The following NREP variants were observed in gnomAD, a reference collection of about 807,000 sequenced individuals.
NREP encodes the protein neuronal regeneration related protein, also known as neuronal regeneration-related protein.
NREP carries 5 observed loss-of-function variants against 8.6 expected under a neutral mutation model. The observed-to-expected ratio is 0.58, with a 90% confidence interval of 0.30 to 1.22. The LOEUF is 1.22. NREP is among the 50% of genes most tolerant of loss of function. The pLI is 0.07. For synonymous variants in NREP, 27 were observed against 28.0 expected (o/e 0.96, Z 0.11); for missense variants, 86 against 82.5 (o/e 1.04, Z -0.17).
intron 2 of NREP, among the ~76,000 whole-genome samples, chr5:111,903,035 A>G (rs898761747): frequency 7.1e-6 from 1 of 141,184 alleles, no homozygotes; most frequent in Non-Finnish European, 1.6e-5. Context: ...TATATTTTAT[A>G]TTTTTATCTT....
intron 2 of NREP, among the ~76,000 whole-genome samples, chr5:111,918,606 G>A (rs1755133200): frequency 6.6e-6 from 1 of 152,120 alleles, no homozygotes; most frequent in Non-Finnish European, 1.5e-5. Context: ...AACAGGCAAT[G>A]GGGAAAGGAT....
At chr5:111,825,121 TTC>T (rs1470224271) in intron 2 of NREP, among the ~76,000 whole-genome samples, 2 of 152,334 alleles carry the variant, frequency 1.3e-5, no homozygotes, top group South Asian at 4.1e-4. Flanking sequence ...TGCTTTCATA[TTC>T]TGTTATCATA....
At chr5:111,825,312 G>C (rs1187496818) in intron 2 of NREP, among the ~76,000 whole-genome samples, 1 of 152,180 alleles carries the variant, frequency 6.6e-6, no homozygotes, top group African/African-American at 2.4e-5. Flanking sequence ...TCTACCTCTA[G>C]TCTTCAGTCC....
At chr5:111,917,694 T>C (rs1755102222) in intron 2 of NREP, among the ~76,000 whole-genome samples, 1 of 152,166 alleles carries the variant, frequency 6.6e-6, no homozygotes, top group African/African-American at 2.4e-5. Flanking sequence ...AACTAAGTAC[T>C]GATGGAACAT....
intron 2 of NREP, among the ~76,000 whole-genome samples, chr5:111,814,811 G>T (rs928024183): frequency 6.6e-6 from 1 of 152,082 alleles, no homozygotes; most frequent in East Asian, 1.9e-4. Context: ...AGAAGAAACT[G>T]GTTGGTCTGG....
chr5:111,961,588 T>C (rs1171111346), intron 2 of NREP, among the ~76,000 whole-genome samples: 1 of 152,244 alleles, frequency 6.6e-6, no homozygotes, highest in Non-Finnish European at 1.5e-5. Context: ...TTTAGGATTA[T>C]AAATTTTGCC....
chr5:111,896,059 A>G (rs775737251), intron 2 of NREP, among the ~76,000 whole-genome samples: 4 of 152,226 alleles, frequency 2.6e-5, no homozygotes, highest in Non-Finnish European at 5.9e-5. Context: ...AGAGAGTAAC[A>G]TGATTCTTTT....
intron 2 of NREP, among the ~76,000 whole-genome samples, chr5:111,820,341 G>A (rs71579162): frequency 0.17 from 25,369 of 152,232 alleles, 2,647 homozygotes; most frequent in Non-Finnish European, 0.23. Flanking sequence ...CTCTGTGCAC[G>A]TTTGCAAATG....
intron 2 of NREP, among the ~76,000 whole-genome samples, chr5:111,880,427 T>C (rs547424627): frequency 6.6e-6 from 1 of 152,202 alleles, no homozygotes; most frequent in South Asian, 2.1e-4. Flanking sequence ...TGTCAGCAGG[T>C]TCAGTTTCTT....
chr5:111,953,411 G>A (rs1756220644), intron 2 of NREP, among the ~76,000 whole-genome samples: 1 of 152,056 alleles, frequency 6.6e-6, no homozygotes, highest in Non-Finnish European at 1.5e-5. Context: ...TTTTCCCAAA[G>A]ACTTTTCTTC....
chr5:111,952,639 T>C (rs1027615099), intron 2 of NREP, among the ~76,000 whole-genome samples: 10 of 152,198 alleles, frequency 6.6e-5, no homozygotes, highest in Middle Eastern at 3.4e-3. Context: ...ACCCAGAGCA[T>C]TGAAATCGCA....
At chr5:111,864,839 T>C (rs1384871154) in intron 2 of NREP, among the ~76,000 whole-genome samples, 1 of 152,190 alleles carries the variant, frequency 6.6e-6, no homozygotes, top group Non-Finnish European at 1.5e-5. Flanking sequence ...TTTTATTTAA[T>C]GACATACCAT....
At chr5:111,758,127 G>A, upstream of NREP, 1 of 985,464 alleles carries the variant, frequency 1.0e-6, no homozygotes, top group Non-Finnish European at 1.2e-6. Flanking sequence ...CTGCCCCTCA[G>A]CTGGGTACGC....
chr5:111,792,258 A>T (rs1319115527), intron 2 of NREP, among the ~76,000 whole-genome samples: 5 of 152,182 alleles, frequency 3.3e-5, no homozygotes, highest in Non-Finnish European at 5.9e-5. Context: ...CCACACTGTC[A>T]GTCTCATTCT....
intron 2 of NREP, among the ~76,000 whole-genome samples, chr5:111,810,021 G>A (rs1441722380): frequency 6.6e-6 from 1 of 151,428 alleles, no homozygotes; most frequent in Non-Finnish European, 1.5e-5. Context: ...AGTGATCCAG[G>A]AACCAATCAG....
At chr5:111,939,903 T>C (rs1755784134) in intron 2 of NREP, 1 of 152,004 alleles carries the variant, frequency 6.6e-6, no homozygotes, top group Non-Finnish European at 1.5e-5. Context: ...AAGAAACACA[T>C]ATAAGACAAG....
intron 2 of NREP, among the ~76,000 whole-genome samples, chr5:111,799,281 AT>A (rs915057140): frequency 6.6e-6 from 1 of 151,644 alleles, no homozygotes; most frequent in African/African-American, 2.4e-5. Flanking sequence ...TAATTTTAGG[AT>A]TTTTTTTCTA....
chr5:111,917,392 C>T (rs1755092494), intron 2 of NREP, among the ~76,000 whole-genome samples: 1 of 152,208 alleles, frequency 6.6e-6, no homozygotes, highest in South Asian at 2.1e-4. Context: ...CAAAACCTGG[C>T]AGACACACAA....
rs57775701 is a variant in NREP at position 111,790,347 on chromosome 5, CTTTTTTTTTTTTTTTTTTTT to C, written c.136-54860_136-54841del. 1.2e-4 allele frequency among the ~76,000 whole-genome samples: 7 copies of C among 59,640 alleles called. No homozygotes were observed. The East Asian group carries it at 2.6e-3, about 22-fold the overall frequency. 39.1% of individuals were successfully genotyped at this position (59,640 alleles called of 152,430 possible). Reference sequence around the variant, plus strand: ...TCACCCTATACTTCAAAAACCTTAACTTTTTTTTTTTTTTTTTTTTTTTTTTTTTTTTTTGTATTCATCTT... The same window carrying C: ...TCACCCTATACTTCAAAAACCTTAACTTTTTTTTTTTTTTGTATTCATCTT... On this transcript the variant is annotated intron_variant, in intron 2 of 3. Transcript: ENST00000395634.
Sources: allele counts gnomAD v4.1 joint callset (sites outside exome capture counted in the v4.1 genomes callset), GRCh38; gene constraint gnomAD v4.1.1; transcripts MANE v1.5; gene names NCBI Gene and HGNC (gene_info 2026-07-23, HGNC 2026-07-21).